Variants in GTF2H1 observed in about 807,000 individuals in gnomAD.
GTF2H1 encodes the protein BTF2 p62.
Under a neutral mutation model 71.2 loss-of-function variants are expected in GTF2H1, and 16 were observed. The observed-to-expected ratio is 0.22, with a 90% CI of 0.15 to 0.34. The LOEUF (loss-of-function observed/expected upper bound fraction) is 0.34, where lower values mean the gene tolerates loss of function less well. Among genes scored for constraint, GTF2H1 ranks in the 10% least tolerant of loss-of-function variants. GTF2H1 has a pLI of 1.00. For missense variants in GTF2H1, 498 were observed against 648.2 expected (o/e 0.77, Z 2.52); for synonymous variants, 215 against 219.0 (o/e 0.98, Z 0.16).
intron 14 of GTF2H1, among the ~76,000 whole-genome samples, chr11:18,363,582 G>A (rs1865754686): frequency 6.6e-6 from 1 of 152,140 alleles, no homozygotes; most frequent in Non-Finnish European, 1.5e-5. Flanking sequence ...ACAATTGAAA[G>A]CTGAAAAATC....
At chr11:18,331,567 G>T (rs1355161369) in intron 1 of GTF2H1, among the ~76,000 whole-genome samples, 1 of 152,122 alleles carries the variant, frequency 6.6e-6, no homozygotes, top group Non-Finnish European at 1.5e-5. Context: ...TCGGGAGGCT[G>T]AGGCAGGAGA....
In GTF2H1 at chr11:18,338,263, G is replaced by A; in HGVS notation, c.502G>A (p.Ala168Thr). The change falls in exon 4 of 15, where the codon GCT (alanine) becomes ACT (threonine). Residue 168 changes from alanine (A) to threonine (T), a missense_variant. Physicochemically the swap from Ala to Thr is moderately conservative, Grantham distance 58 (BLOSUM62 0). Around this residue, in one of 3 missense-constraint regions of GTF2H1, gnomAD observed 216 missense variants for 306.2 expected, o/e 0.71. Coordinates refer to ENST00000265963, the MANE Select transcript of GTF2H1 (RefSeq NM_005316.4). ...SNHKQDVGIS[A>T]AFLADVRPQT... ...TCATAAGCAGGATGTTGGCATTTCT[G>A]CTGCATTTCTGGTATGTGAGCCTTC... 1 of 1,608,902 alleles carries A rather than the reference G, an allele frequency of 6.2e-7. No homozygotes were observed. The highest frequency in any genetic ancestry group is 1.1e-5 in the South Asian group (1 of 90,974).
chr11:18,364,213 T>C (rs902612801), intron 14 of GTF2H1, among the ~76,000 whole-genome samples: 12 of 152,204 alleles, frequency 7.9e-5, no homozygotes, highest in Non-Finnish European at 1.8e-4. Flanking sequence ...CAGAGCTAAA[T>C]ATTACTATCC....
intron 1 of GTF2H1, among the ~76,000 whole-genome samples, chr11:18,331,675 A>G (rs1263733180): frequency 6.6e-6 from 1 of 151,806 alleles, no homozygotes; most frequent in Non-Finnish European, 1.5e-5. Flanking sequence ...TCAAAAAAAA[A>G]GAGGTGATGG....
At chr11:18,348,072 A>G (rs1484839450) in intron 9 of GTF2H1, 153 bp downstream of exon 9, 1 of 650,012 alleles carries the variant, frequency 1.5e-6, no homozygotes, top group Non-Finnish European at 2.8e-6. Context: ...TACAAAGAGT[A>G]TTTCCCCAGC....
intron 1 of GTF2H1, among the ~76,000 whole-genome samples, chr11:18,329,113 T>C (rs1171259275): frequency 6.6e-6 from 1 of 152,202 alleles, no homozygotes. Flanking sequence ...ATTACATTTG[T>C]AAGGTGGGTA....
intron 10 of GTF2H1, 53 bp from the exon 11 acceptor site, chr11:18,352,276 G>GTTT: frequency 1.2e-6 from 1 of 818,260 alleles, no homozygotes; most frequent in East Asian, 2.5e-5. Context: ...AAAGACAAAT[G>GTTT]TTGAGCATCT....
At chr11:18,323,908 C>T (rs918444362) in intron 1 of GTF2H1, among the ~76,000 whole-genome samples, 3 of 152,146 alleles carry the variant, frequency 2.0e-5, no homozygotes, top group African/African-American at 7.2e-5. Context: ...AGGTCACAAC[C>T]GCAGGGAAGG....
intron 9 of GTF2H1, chr11:18,348,197 A>G (rs1865343227): frequency 4.7e-6 from 2 of 425,290 alleles, no homozygotes; most frequent in Non-Finnish European, 8.3e-6. Flanking sequence ...GATTGTTCTT[A>G]TATGTGATTT....
chr11:18,336,251 C>T (rs1054274489), intron 3 of GTF2H1, among the ~76,000 whole-genome samples: 1 of 151,980 alleles, frequency 6.6e-6, no homozygotes, highest in Non-Finnish European at 1.5e-5. Context: ...CTCAGCCTCC[C>T]GAGTAGCTGG....
chr11:18,342,252 C>CTTTTTTTT (rs71047585), intron 7 of GTF2H1, among the ~76,000 whole-genome samples: 1 of 72,720 alleles, frequency 1.4e-5, no homozygotes. Context: ...TTTTCTGTCT[C>CTTTTTTTT]TTTTTTTTTT....
intron 1 of GTF2H1, among the ~76,000 whole-genome samples, chr11:18,326,454 G>A (rs1864768685): frequency 6.6e-6 from 1 of 152,058 alleles, no homozygotes; most frequent in Non-Finnish European, 1.5e-5. Flanking sequence ...TCCGGGAGGT[G>A]GAGGTTGCAG....
intron 14 of GTF2H1, among the ~76,000 whole-genome samples, chr11:18,361,364 C>T (rs4150667): frequency 0.24 from 35,998 of 151,908 alleles, 5,141 homozygotes; most frequent in East Asian, 0.32. Context: ...CATGCTTTCC[C>T]TTAGAAAAGT....
At position 18,339,114 on chromosome 11, in the gene GTF2H1, A is replaced by G. The variant is rs4150590; in HGVS notation, c.514-450A>G. Among the ~76,000 whole-genome samples, 949 of 152,346 alleles carry G rather than the reference A, an allele frequency of 6.2e-3. 14 individuals are homozygous for G. The highest frequency in any genetic ancestry group is 0.022 in the African/African-American group (916 of 41,590). ...ATTCTAGTGGAACCAGAATAGTATTAACACATTCAACAAAATTTTGAATAC... is the reference window on the plus strand; with the variant it reads ...ATTCTAGTGGAACCAGAATAGTATTGACACATTCAACAAAATTTTGAATAC... On this transcript the variant is annotated intron_variant, in intron 4 of 14. Transcript: ENST00000265963.
intron 1 of GTF2H1, among the ~76,000 whole-genome samples, chr11:18,325,756 A>G (rs1237338390): frequency 6.6e-6 from 1 of 152,256 alleles, no homozygotes; most frequent in Non-Finnish European, 1.5e-5. Flanking sequence ...AGGTATATGA[A>G]TTTAGATTCG....
At chr11:18,336,076 GTTT>G in intron 3 of GTF2H1, 130 bp downstream of exon 3, 2 of 626,292 alleles carry the variant, frequency 3.2e-6, no homozygotes, top group South Asian at 5.0e-5. Flanking sequence ...TGTCGTTTTT[GTTT>G]TTGTTTTGTT....
intron 4 of GTF2H1, among the ~76,000 whole-genome samples, chr11:18,339,339 A>G (rs1174076979): frequency 1.3e-5 from 2 of 152,204 alleles, no homozygotes; most frequent in Non-Finnish European, 2.9e-5. Flanking sequence ...ATTTGACCAT[A>G]TTAGACTTCC....
At chr11:18,363,786 C>T (rs1335806256) in intron 14 of GTF2H1, among the ~76,000 whole-genome samples, 1 of 151,766 alleles carries the variant, frequency 6.6e-6, no homozygotes, top group Non-Finnish European at 1.5e-5. Flanking sequence ...GGAAAGGATG[C>T]TGAGGGCCAG....
intron 1 of GTF2H1, among the ~76,000 whole-genome samples, chr11:18,332,186 CA>C (rs1337366384): frequency 1.3e-5 from 2 of 152,166 alleles, no homozygotes; most frequent in Non-Finnish European, 2.9e-5. Context: ...CTTATTTGCC[CA>C]GGGCAAACGT....
Sources: gnomAD v4.1 joint callset for allele counts (sites outside exome capture counted in the v4.1 genomes callset) on GRCh38, gnomAD v4.1.1 for gene constraint, gnomAD v4.1.1 regional missense constraint, MANE v1.5 for transcripts, NCBI Gene and HGNC (gene_info 2026-07-23, HGNC 2026-07-21) for gene names.